The following CD109 variants were observed in gnomAD, a reference collection of about 807,000 sequenced individuals.
The protein encoded by CD109 is CD109 antigen.
In CD109, 149 loss-of-function variants were observed where a neutral mutation model predicts 165.8. The observed-to-expected ratio is 0.90, with a 90% CI of 0.79 to 1.03. The LOEUF (loss-of-function observed/expected upper bound fraction) is 1.03, where lower values mean the gene tolerates loss of function less well. Among genes scored for constraint, CD109 ranks in the 50% least tolerant of loss-of-function variants. The pLI is 0.00. For synonymous variants in CD109, 585 were observed against 592.1 expected (o/e 0.99, Z 0.18); for missense variants, 1,712 against 1,677.8 (o/e 1.02, Z -0.36).
chr6:73,753,130 C>T (rs1263801117), intron 5 of CD109, among the ~76,000 whole-genome samples: 1 of 152,102 alleles, frequency 6.6e-6, no homozygotes, highest in Non-Finnish European at 1.5e-5. Flanking sequence ...GGAACATAGT[C>T]GTGCTCGTTT....
At chr6:73,818,317 A>G (rs908007270) in intron 30 of CD109, 71 bp from the exon 31 acceptor site, 2 of 1,513,898 alleles carry the variant, frequency 1.3e-6, no homozygotes, top group African/African-American at 1.4e-5. Context: ...TGATTTTTGT[A>G]TGAAGATAAT....
chr6:73,735,406 A>G (rs1772505912), intron 4 of CD109, among the ~76,000 whole-genome samples: 1 of 152,196 alleles, frequency 6.6e-6, no homozygotes, highest in African/African-American at 2.4e-5. Context: ...GATGTATTGT[A>G]GAGGGCAAGA....
At chr6:73,815,185 T>C in intron 30 of CD109, 62 bp downstream of exon 30, 1 of 1,363,590 alleles carries the variant, frequency 7.3e-7, no homozygotes, top group Non-Finnish European at 9.9e-7. Flanking sequence ...GAAGGTTTAA[T>C]TATGTATAGT....
Position 73,781,320 on chromosome 6 carries a change from GT to G in CD109, c.1963+2del, listed in dbSNP as rs764738922. On this transcript the variant is annotated splice_donor_variant, in intron 17 of 32. Transcript: ENST00000287097. LOFTEE classifies it high-confidence loss of function. ...ACGAAGGATTATATTGATGGTGTTT[GT>G]AAGTAATACATGGCGACATGCTTGT... 15 of 1,610,110 alleles carry G rather than the reference GT, an allele frequency of 9.3e-6. No homozygotes were observed. The highest frequency in any genetic ancestry group is 1.2e-5 in the Non-Finnish European group (14 of 1,176,716).
intron 9 of CD109, among the ~76,000 whole-genome samples, chr6:73,763,115 T>TA (rs1438613605): frequency 3.3e-5 from 5 of 152,204 alleles, no homozygotes; most frequent in Non-Finnish European, 1.5e-5. Flanking sequence ...TTAATTTTTT[T>TA]TTCCATTTCT....
chr6:73,810,279 T>C (rs1397924677), intron 27 of CD109, 105 bp downstream of exon 27: 2 of 318,362 alleles, frequency 6.3e-6, no homozygotes, highest in South Asian at 1.4e-4. Flanking sequence ...ATAAATCATA[T>C]GTTATATATA....
At chr6:73,711,366 A>G (rs947216704) in intron 2 of CD109, among the ~76,000 whole-genome samples, 3 of 152,164 alleles carry the variant, frequency 2.0e-5, no homozygotes, top group African/African-American at 4.8e-5. Context: ...AAGAGAGAAA[A>G]ATATAAAAGG....
At chr6:73,686,418 C>T in the CD109 span, among the ~76,000 whole-genome samples, 2 of 152,300 alleles carry the variant, frequency 1.3e-5, no homozygotes, top group African/African-American at 4.8e-5. Context: ...TAATACGTTC[C>T]TTCACATTTC....
chr6:73,814,068 A>G (rs1775845619), intron 29 of CD109, among the ~76,000 whole-genome samples: 1 of 152,144 alleles, frequency 6.6e-6, no homozygotes. Flanking sequence ...CAGAATAAGA[A>G]GATTGCAACT....
At chr6:73,751,705 C>T (rs189228600) in intron 5 of CD109, among the ~76,000 whole-genome samples, 1 of 152,164 alleles carries the variant, frequency 6.6e-6, no homozygotes, top group Admixed American at 6.5e-5. Context: ...ACCTAGTTGT[C>T]TGCATTGTCT....
intron 5 of CD109, among the ~76,000 whole-genome samples, chr6:73,744,553 G>T (rs1772908793): frequency 6.6e-6 from 1 of 152,182 alleles, no homozygotes; most frequent in Non-Finnish European, 1.5e-5. Flanking sequence ...TCAGGCAAGA[G>T]CTGAATATTC....
intron 22 of CD109, among the ~76,000 whole-genome samples, chr6:73,791,170 TATATATACACAC>T (rs1774936622): frequency 5.1e-5 from 2 of 39,156 alleles, no homozygotes; most frequent in African/African-American, 2.0e-4. Flanking sequence ...TATATATATA[TATATATACACAC>T]ACACACATAC....
chr6:73,688,328 G>A, the CD109 span, among the ~76,000 whole-genome samples: 1 of 152,166 alleles, frequency 6.6e-6, no homozygotes, highest in African/African-American at 2.4e-5. Flanking sequence ...CAATAGGAGT[G>A]CTAGGAGAAT....
chr6:73,709,755 G>C (rs1483343884), intron 2 of CD109, among the ~76,000 whole-genome samples: 1 of 152,116 alleles, frequency 6.6e-6, no homozygotes, highest in African/African-American at 2.4e-5. Context: ...GATCAAGTGG[G>C]CTTCATCCCT....
chr6:73,775,370 A>G lies in CD109; in HGVS notation c.1827+3789A>G, dbSNP rs1257699914. 2.6e-5 allele frequency among the ~76,000 whole-genome samples: 4 copies of G among 152,268 alleles called. No individual in the cohort carries two copies. In the East Asian group the frequency reaches 7.7e-4, roughly 29 times the overall value. ...TAATGAAAACTCCAAATATCATACA[A>G]TTCTATTAACTATATCTCTCATGTT... is the stretch of plus-strand genomic sequence containing the variant. On this transcript the variant is annotated intron_variant, in intron 15 of 32. Coordinates refer to ENST00000287097, the MANE Select transcript of CD109 (RefSeq NM_133493.5).
intron 23 of CD109, among the ~76,000 whole-genome samples, chr6:73,795,860 T>G (rs7772434): frequency 0.54 from 82,245 of 151,978 alleles, 22,765 homozygotes; most frequent in African/African-American, 0.66. Context: ...GGGTTGTTTT[T>G]AGGAGTCAGT....
chr6:73,682,630 C>A, the CD109 span, among the ~76,000 whole-genome samples: 2 of 152,222 alleles, frequency 1.3e-5, no homozygotes, highest in East Asian at 3.9e-4. Context: ...GGCAGTGACC[C>A]AGTAGGGAAT....
chr6:73,709,050 G>A lies in CD109; in HGVS notation c.247+11478G>A, dbSNP rs577129502. 1.4e-4 allele frequency among the ~76,000 whole-genome samples: 21 copies of A among 152,242 alleles called. No homozygotes were observed. The South Asian group carries it at 3.7e-3, about 27-fold the overall frequency. On this transcript the variant is annotated intron_variant, in intron 2 of 32. Coordinates refer to ENST00000287097, the MANE Select transcript of CD109 (RefSeq NM_133493.5). ...TTGGCTTTTGTTGCTATTGCTTTTG[G>A]TGTTTTAGACATGAAGTCCTTCCCC...
At chr6:73,762,941 C>G (rs1773690586) in intron 9 of CD109, 59 bp downstream of exon 9, 3 of 1,404,364 alleles carry the variant, frequency 2.1e-6, no homozygotes, top group Admixed American at 4.8e-5. Context: ...TATCATCTTT[C>G]TTATTATAAC....
Sources: allele counts gnomAD v4.1 joint callset (sites outside exome capture counted in the v4.1 genomes callset), GRCh38; gene constraint gnomAD v4.1.1; transcripts MANE v1.5; gene names NCBI Gene and HGNC (gene_info 2026-07-23, HGNC 2026-07-21).